Variants in TRAPPC12 observed in about 807,000 individuals in gnomAD.
TRAPPC12 encodes the protein TPR repeat protein 15.
A neutral mutation model predicts 69.2 loss-of-function variants in TRAPPC12; 61 were observed. That is an observed-to-expected ratio of 0.88 (90% CI 0.72 to 1.09). The LOEUF (loss-of-function observed/expected upper bound fraction) is 1.09. Among genes scored for constraint, TRAPPC12 ranks in the 50% least tolerant of loss-of-function variants. The pLI, the probability that TRAPPC12 is intolerant of heterozygous loss-of-function variation, is 0.00. For missense variants in TRAPPC12, 1,101 were observed against 1,016.4 expected, an observed-to-expected ratio of 1.08 and a Z score of -1.13; for synonymous variants, 469 against 438.9, an observed-to-expected ratio of 1.07 and a Z score of -0.86.
chr2:3,388,384 C>G lies in TRAPPC12; in HGVS notation c.761C>G (p.Pro254Arg). 6.2e-7 allele frequency: 1 copy of G among 1,603,994 alleles called. No individual in the cohort carries two copies. Among genetic ancestry groups the G allele is most frequent in the Non-Finnish European group, 8.5e-7 (1 of 1,175,206 alleles). The change falls in exon 2 of 12, where the codon CCC (proline) becomes CGC (arginine). Residue 254 changes from proline to arginine, a missense_variant. Pro to Arg is a moderately radical substitution (Grantham distance 103). Coordinates refer to ENST00000324266, the MANE Select transcript of TRAPPC12 (RefSeq NM_016030.6). ...GCCAGCCCGCCTCCCCTCGCTGTGC[C>G]CGGGACCGAGGGGCGCCCCGAACCC... is the stretch of plus-strand genomic sequence containing the variant. ...APASPPPLAVPGTEGRPEPVA... is the reference protein window; with the variant it reads ...APASPPPLAVRGTEGRPEPVA...
At chr2:3,460,579 G>A (rs1259464137) in intron 8 of TRAPPC12, 1 of 454,356 alleles carries the variant, frequency 2.2e-6, no homozygotes, top group Non-Finnish European at 3.9e-6. Flanking sequence ...TGAAATGTGG[G>A]TCTAAATGAT....
Position 3,388,398 on chromosome 2 carries a change from C to T in TRAPPC12, c.775C>T (p.Arg259Cys), listed in dbSNP as rs532843039. 1.2e-5 allele frequency: 19 copies of T among 1,602,398 alleles called. No individual in the cohort carries two copies. In the Admixed American group the frequency reaches 2.9e-4, roughly 24 times the overall value. ...PPLAVPGTEGRPEPVAMRGPQ... is the reference protein window; with the variant it reads ...PPLAVPGTEGCPEPVAMRGPQ... The stretch of plus-strand genomic sequence containing the variant: ...CCTCGCTGTGCCCGGGACCGAGGGG[C>T]GCCCCGAACCCGTGGCCATGCGAGG... Residue 259 changes from arginine (R) to cysteine (C), a missense_variant, in exon 2 of 12, where the codon CGC becomes TGC. Physicochemically the swap from Arg to Cys is radical, Grantham distance 180. Transcript: ENST00000324266.
intron 2 of TRAPPC12, among the ~76,000 whole-genome samples, chr2:3,398,976 C>T (rs1296716910): frequency 1.3e-5 from 2 of 152,228 alleles, no homozygotes; most frequent in Non-Finnish European, 2.9e-5. Flanking sequence ...CCCCTCCCAC[C>T]TCCCCTGCAC....
chr2:3,475,909 TA>T (rs1438859265), intron 9 of TRAPPC12, among the ~76,000 whole-genome samples: 1 of 152,234 alleles, frequency 6.6e-6, no homozygotes, highest in Non-Finnish European at 1.5e-5. Flanking sequence ...CGGCACACGT[TA>T]ATCTTGATCG....
At chr2:3,457,088 T>C (rs906333780) in intron 6 of TRAPPC12, 1 of 464,000 alleles carries the variant, frequency 2.2e-6, no homozygotes, top group Non-Finnish European at 4.4e-6. Context: ...GAAAAGATGG[T>C]GCACATACAC....
chr2:3,417,581 C>T (rs1214509812), intron 3 of TRAPPC12, among the ~76,000 whole-genome samples: 4 of 152,164 alleles, frequency 2.6e-5, no homozygotes, highest in East Asian at 1.9e-4. Context: ...CCCTCTTCGT[C>T]GGCCTTGTGT....
intron 9 of TRAPPC12, among the ~76,000 whole-genome samples, chr2:3,475,359 C>T (rs1287342568): frequency 6.6e-6 from 1 of 152,000 alleles, no homozygotes; most frequent in African/African-American, 2.4e-5. Context: ...GCGATCCTCC[C>T]ACCTCGGCCT....
chr2:3,447,973 A>G (rs1310708230), intron 6 of TRAPPC12, among the ~76,000 whole-genome samples: 1 of 152,158 alleles, frequency 6.6e-6, no homozygotes, highest in Non-Finnish European at 1.5e-5. Flanking sequence ...TAAAGTATTC[A>G]CCACACCTGC....
intron 3 of TRAPPC12, among the ~76,000 whole-genome samples, chr2:3,412,756 A>G (rs757113156): frequency 6.6e-6 from 1 of 152,144 alleles, no homozygotes; most frequent in Admixed American, 6.5e-5. Flanking sequence ...CTGGGCCATC[A>G]TCTGTTCCGA....
At chr2:3,394,049 C>G (rs902321142) in intron 2 of TRAPPC12, among the ~76,000 whole-genome samples, 1 of 152,198 alleles carries the variant, frequency 6.6e-6, no homozygotes, top group African/African-American at 2.4e-5. Context: ...TGGTAGAACA[C>G]TTTGGAGATA....
chr2:3,397,585 C>T (rs151108336), intron 2 of TRAPPC12, among the ~76,000 whole-genome samples: 39 of 152,298 alleles, frequency 2.6e-4, no homozygotes, highest in African/African-American at 8.9e-4. Context: ...TGCTTAGCTC[C>T]CTCCTTTCTA....
At chr2:3,411,014 G>A (rs138442316) in intron 3 of TRAPPC12, among the ~76,000 whole-genome samples, 801 of 152,288 alleles carry the variant, frequency 5.3e-3, no homozygotes, top group Non-Finnish European at 8.3e-3. Flanking sequence ...TGGCCACAGA[G>A]CGAGACTCCA....
intron 1 of TRAPPC12, among the ~76,000 whole-genome samples, chr2:3,386,478 A>G (rs1660497842): frequency 6.6e-6 from 1 of 152,210 alleles, no homozygotes; most frequent in African/African-American, 2.4e-5. Context: ...TCATCTGCGA[A>G]ACGAAGACAG....
chr2:3,397,435 C>G (rs1661197908), intron 2 of TRAPPC12, among the ~76,000 whole-genome samples: 1 of 152,232 alleles, frequency 6.6e-6, no homozygotes, highest in African/African-American at 2.4e-5. Flanking sequence ...GACCCACACT[C>G]AACACCCCAC....
At chr2:3,464,125 C>T (rs1019196440) in intron 8 of TRAPPC12, among the ~76,000 whole-genome samples, 2 of 148,286 alleles carry the variant, frequency 1.3e-5, no homozygotes, top group Non-Finnish European at 3.0e-5. Flanking sequence ...TGAGGGAGCT[C>T]ACACACACAC....
At chr2:3,476,567 T>A (rs1192905434) in intron 9 of TRAPPC12, among the ~76,000 whole-genome samples, 1 of 152,240 alleles carries the variant, frequency 6.6e-6, no homozygotes, top group Admixed American at 6.5e-5. Context: ...TAAACAGGCA[T>A]CCTTGTGTAA....
intron 5 of TRAPPC12, among the ~76,000 whole-genome samples, chr2:3,438,223 C>T (rs1418294968): frequency 8.4e-6 from 1 of 118,402 alleles, no homozygotes. Flanking sequence ...CCCCACCACC[C>T]CTGGATTCAT....
chr2:3,398,849 G>A (rs555156515), intron 2 of TRAPPC12, among the ~76,000 whole-genome samples: 2 of 152,204 alleles, frequency 1.3e-5, no homozygotes, highest in Non-Finnish European at 2.9e-5. Flanking sequence ...CCTTGCCCTG[G>A]ATAAAGTAGA....
chr2:3,438,315 A>G (rs1481137412), intron 5 of TRAPPC12, among the ~76,000 whole-genome samples: 5 of 62,116 alleles, frequency 8.0e-5, no homozygotes, highest in Admixed American at 2.1e-4. Flanking sequence ...TCACCCCTGG[A>G]TTAGCCCCCA....
Sources: allele counts gnomAD v4.1 joint callset (sites outside exome capture counted in the v4.1 genomes callset), GRCh38; gene constraint gnomAD v4.1.1; transcripts MANE v1.5; gene names NCBI Gene and HGNC (gene_info 2026-07-23, HGNC 2026-07-21).